PPA2: variants seen among roughly 807,000 people sequenced by gnomAD.
The protein encoded by PPA2 is inorganic pyrophosphatase 2, mitochondrial.
In PPA2, 48 loss-of-function variants were observed where a neutral mutation model predicts 49.5. That is an observed-to-expected ratio of 0.97 (90% CI 0.77 to 1.23). The LOEUF is 1.23. Ranked by LOEUF, PPA2 falls within the 50% of genes most tolerant of loss-of-function variation. The pLI, the probability that PPA2 is intolerant of heterozygous loss-of-function variation, is 0.00. For missense variants in PPA2, 429 were observed against 410.1 expected (o/e 1.05, Z -0.40); for synonymous variants, 131 against 139.9 (o/e 0.94, Z 0.45).
chr4:105,414,489 C>A (rs1309320951), intron 7 of PPA2, among the ~76,000 whole-genome samples: 3 of 152,214 alleles, frequency 2.0e-5, no homozygotes, highest in African/African-American at 2.4e-5. Context: ...AAAGGGCAGG[C>A]AACTCCGGGC....
chr4:105,466,554 CA>C (rs1459924712), intron 1 of PPA2, among the ~76,000 whole-genome samples: 1 of 152,092 alleles, frequency 6.6e-6, no homozygotes, highest in Admixed American at 6.5e-5. Context: ...AGAAAGAATT[CA>C]ACTGAGGGGC....
intron 3 of PPA2, 36 bp from the exon 4 acceptor site, chr4:105,449,439 A>C (rs1231572247): frequency 1.1e-5 from 15 of 1,379,616 alleles, no homozygotes; most frequent in Non-Finnish European, 1.5e-5. Flanking sequence ...AGAACATTAA[A>C]AATTTTACCT....
chr4:105,428,209 T>G (rs1257117732), intron 6 of PPA2, among the ~76,000 whole-genome samples: 1 of 152,066 alleles, frequency 6.6e-6, no homozygotes, highest in Non-Finnish European at 1.5e-5. Context: ...GCAAGAAACG[T>G]GGAAAGGAAC....
intron 7 of PPA2, among the ~76,000 whole-genome samples, chr4:105,406,226 G>A (rs1472574415): frequency 1.3e-5 from 2 of 150,838 alleles, no homozygotes; most frequent in Non-Finnish European, 3.0e-5. Context: ...AAACAGGGAA[G>A]TAGAAGATAG....
At chr4:105,471,794 A>C (rs1054734778) in intron 1 of PPA2, among the ~76,000 whole-genome samples, 5 of 152,110 alleles carry the variant, frequency 3.3e-5, no homozygotes, top group African/African-American at 1.2e-4. Context: ...GAAATTGTTT[A>C]ACCAACACAC....
intron 7 of PPA2, among the ~76,000 whole-genome samples, chr4:105,420,338 C>T (rs1418095858): frequency 6.6e-6 from 1 of 152,188 alleles, no homozygotes; most frequent in African/African-American, 2.4e-5. Flanking sequence ...ACCTCCTGCA[C>T]TCAAGTGACC....
intron 6 of PPA2, among the ~76,000 whole-genome samples, chr4:105,433,895 A>AT (rs2110284346): frequency 6.6e-6 from 1 of 152,374 alleles, no homozygotes; most frequent in East Asian, 1.9e-4. Context: ...AAAGTACTCC[A>AT]TAGAAAAATT....
intron 10 of PPA2, among the ~76,000 whole-genome samples, chr4:105,380,612 C>T (rs1454365005): frequency 1.3e-5 from 2 of 152,068 alleles, no homozygotes; most frequent in African/African-American, 4.8e-5. Context: ...AGTCTTTCTC[C>T]CTATTTATTA....
intron 7 of PPA2, among the ~76,000 whole-genome samples, chr4:105,404,817 C>A (rs1722384263): frequency 6.6e-6 from 1 of 152,158 alleles, no homozygotes; most frequent in Non-Finnish European, 1.5e-5. Context: ...CACGGTGGCT[C>A]ACACCTGTAA....
chr4:105,379,417 C>CT (rs991627771), intron 10 of PPA2, among the ~76,000 whole-genome samples: 1 of 142,776 alleles, frequency 7.0e-6, no homozygotes, highest in Non-Finnish European at 1.5e-5. Context: ...GTGTATCTAT[C>CT]AATATGTGTA....
intron 2 of PPA2, among the ~76,000 whole-genome samples, chr4:105,454,078 C>T (rs1345632339): frequency 6.6e-6 from 1 of 152,144 alleles, no homozygotes; most frequent in Non-Finnish European, 1.5e-5. Context: ...ATTACTAGGC[C>T]TCCACCAAGC....
At chr4:105,409,615 C>T (rs112185196) in intron 7 of PPA2, among the ~76,000 whole-genome samples, 17 of 152,306 alleles carry the variant, frequency 1.1e-4, no homozygotes, top group African/African-American at 3.1e-4. Context: ...CCCATGTAGC[C>T]GGACTGGCAG....
At chr4:105,387,618 T>C (rs903477278) in intron 9 of PPA2, among the ~76,000 whole-genome samples, 1 of 152,186 alleles carries the variant, frequency 6.6e-6, no homozygotes, top group Non-Finnish European at 1.5e-5. Flanking sequence ...AGACTCATAA[T>C]GTGGGATTCA....
intron 7 of PPA2, among the ~76,000 whole-genome samples, chr4:105,403,106 C>T (rs1047292046): frequency 6.6e-6 from 1 of 152,090 alleles, no homozygotes; most frequent in Non-Finnish European, 1.5e-5. Flanking sequence ...TCACTGCAAC[C>T]TTGACTTCCA....
At chr4:105,441,812 G>T (rs1433402623) in intron 5 of PPA2, among the ~76,000 whole-genome samples, 2 of 152,108 alleles carry the variant, frequency 1.3e-5, no homozygotes, top group Admixed American at 1.3e-4. Flanking sequence ...GCAGGTGTTT[G>T]TGATTATTAC....
chr4:105,428,841 A>C (rs1295116429), intron 6 of PPA2, among the ~76,000 whole-genome samples: 1 of 152,228 alleles, frequency 6.6e-6, no homozygotes, highest in Non-Finnish European at 1.5e-5. Context: ...ATAAACTGAA[A>C]AAAACTCAAT....
chr4:105,397,550 C>A (rs1471192153), intron 8 of PPA2, among the ~76,000 whole-genome samples: 1 of 152,030 alleles, frequency 6.6e-6, no homozygotes, highest in African/African-American at 2.4e-5. Context: ...TGAGTTATAC[C>A]CTGCTATGGT....
intron 6 of PPA2, among the ~76,000 whole-genome samples, chr4:105,429,320 A>G (rs1394688921): frequency 6.6e-6 from 1 of 152,214 alleles, no homozygotes; most frequent in Non-Finnish European, 1.5e-5. Context: ...TAACTAACAA[A>G]GATGGCGTAT....
intron 7 of PPA2, among the ~76,000 whole-genome samples, chr4:105,401,825 A>G (rs1017355569): frequency 3.9e-5 from 6 of 152,224 alleles, no homozygotes; most frequent in Admixed American, 2.6e-4. Flanking sequence ...CTACTTTTGT[A>G]GAACATTCTG....
Sources: allele counts gnomAD v4.1 joint callset (sites outside exome capture counted in the v4.1 genomes callset), GRCh38; gene constraint gnomAD v4.1.1; transcripts MANE v1.5; gene names NCBI Gene and HGNC (gene_info 2026-07-23, HGNC 2026-07-21).